The following SNCAIP variants were observed in gnomAD, a reference collection of about 807,000 sequenced individuals.
The protein encoded by SNCAIP is synuclein alpha interacting protein.
A neutral mutation model predicts 86.7 loss-of-function variants in SNCAIP; 43 were observed. That is an observed-to-expected ratio of 0.50 (90% CI 0.39 to 0.64). The LOEUF is 0.64. Among genes scored for constraint, SNCAIP ranks in the 30% least tolerant of loss-of-function variants. The pLI is 0.00. For synonymous variants in SNCAIP, 417 were observed against 427.2 expected, an observed-to-expected ratio of 0.98 and a Z score of 0.29; for missense variants, 981 against 1,103.1, an observed-to-expected ratio of 0.89 and a Z score of 1.57.
rs755587342 is a variant in SNCAIP at position 122,388,487 on chromosome 5, T to G, written c.-46-2602T>G. On this transcript the variant is annotated intron_variant, in intron 1 of 10. Coordinates refer to ENST00000261368, the MANE Select transcript of SNCAIP (RefSeq NM_005460.4). ...GAAAAGCAACCACAGTTCACCTCAT[T>G]GTCCTTATCATGTTTGATCATTTGC... 5 of 152,298 alleles carry G rather than the reference T, an allele frequency of 3.3e-5. No homozygotes were observed. In the East Asian group the frequency reaches 9.6e-4, roughly 29 times the overall value. The allele number at this position is 152,298 out of a possible 1,614,324, so 9.4% of individuals were successfully genotyped here.
chr5:122,340,394 T>A (rs1052774122), intron 1 of SNCAIP, among the ~76,000 whole-genome samples: 2 of 152,328 alleles, frequency 1.3e-5, no homozygotes, highest in East Asian at 3.9e-4. Context: ...TCATTTATGC[T>A]AAGTTGCCTG....
intron 1 of SNCAIP, among the ~76,000 whole-genome samples, chr5:122,344,862 A>G (rs1052709650): frequency 6.6e-6 from 1 of 152,212 alleles, no homozygotes; most frequent in African/African-American, 2.4e-5. Flanking sequence ...AAGTGCCATT[A>G]TCCTCAATAA....
chr5:122,448,663 ATAT>A (rs201765377), intron 8 of SNCAIP, among the ~76,000 whole-genome samples: 14,029 of 136,814 alleles, frequency 0.1, 906 homozygotes, highest in Non-Finnish European at 0.14. Context: ...TATATATATT[ATAT>A]ATATTATATA....
At chr5:122,391,447 GT>G in intron 2 of SNCAIP, among the ~76,000 whole-genome samples, 1 of 152,262 alleles carries the variant, frequency 6.6e-6, no homozygotes, top group Middle Eastern at 3.4e-3. Context: ...GTGTTCCAAT[GT>G]TGTCAAAACT....
chr5:122,411,188 G>A (rs1029435306), intron 3 of SNCAIP, among the ~76,000 whole-genome samples: 2 of 152,168 alleles, frequency 1.3e-5, no homozygotes, highest in African/African-American at 4.8e-5. Context: ...TGAAAAATGG[G>A]AAGTCCAGAG....
intron 3 of SNCAIP, 126 bp from the exon 4 acceptor site, chr5:122,422,742 C>G: frequency 1.3e-6 from 1 of 752,636 alleles, no homozygotes; most frequent in East Asian, 2.7e-5. Flanking sequence ...GATGTGCACT[C>G]TAAGTCATCC....
intron 1 of SNCAIP, among the ~76,000 whole-genome samples, chr5:122,319,089 T>G (rs1358660380): frequency 6.6e-6 from 1 of 151,740 alleles, no homozygotes; most frequent in African/African-American, 2.4e-5. Context: ...TCACCTGAGT[T>G]GTTGAGGAGT....
chr5:122,460,567 A>G (rs369105677), intron 10 of SNCAIP, among the ~76,000 whole-genome samples: 6 of 152,068 alleles, frequency 3.9e-5, no homozygotes, highest in Admixed American at 1.3e-4. Flanking sequence ...ACATGCACAC[A>G]TTCCTGCTTC....
At chr5:122,445,965 A>G (rs1421340906) in intron 8 of SNCAIP, among the ~76,000 whole-genome samples, 1 of 151,844 alleles carries the variant, frequency 6.6e-6, no homozygotes, top group Non-Finnish European at 1.5e-5. Flanking sequence ...ATGAGTTTAG[A>G]CTTCTAGAAA....
chr5:122,373,561 T>A (rs1764680714), intron 1 of SNCAIP, among the ~76,000 whole-genome samples: 1 of 152,188 alleles, frequency 6.6e-6, no homozygotes, highest in African/African-American at 2.4e-5. Context: ...ACCATCCTAA[T>A]CTTCATGAGC....
At chr5:122,384,354 T>C (rs1041540042) in intron 1 of SNCAIP, among the ~76,000 whole-genome samples, 4 of 152,100 alleles carry the variant, frequency 2.6e-5, no homozygotes, top group Admixed American at 2.0e-4. Flanking sequence ...CAGGTTGCAG[T>C]AAATAATTTG....
chr5:122,396,009 G>T (rs559543444), intron 2 of SNCAIP, among the ~76,000 whole-genome samples: 1 of 151,586 alleles, frequency 6.6e-6, no homozygotes, highest in African/African-American at 2.4e-5. Flanking sequence ...CCTAGCAGTC[G>T]CCCTGTTCTT....
At chr5:122,392,487 A>G (rs1769613980) in intron 2 of SNCAIP, among the ~76,000 whole-genome samples, 1 of 152,118 alleles carries the variant, frequency 6.6e-6, no homozygotes, top group African/African-American at 2.4e-5. Flanking sequence ...AGGTTCTTTT[A>G]TGATCACTCC....
At chr5:122,338,201 C>T (rs1329966364) in intron 1 of SNCAIP, among the ~76,000 whole-genome samples, 4 of 152,216 alleles carry the variant, frequency 2.6e-5, no homozygotes, top group Non-Finnish European at 5.9e-5. Flanking sequence ...ATGATTAATG[C>T]AGTGTCCCCT....
intron 1 of SNCAIP, among the ~76,000 whole-genome samples, chr5:122,313,140 G>C (rs73279370): frequency 0.19 from 28,801 of 152,186 alleles, 2,788 homozygotes; most frequent in South Asian, 0.29. Flanking sequence ...TTCAATGGAC[G>C]GCTAGGAGGG....
At chr5:122,339,310 C>G (rs1294221106) in intron 1 of SNCAIP, among the ~76,000 whole-genome samples, 1 of 152,192 alleles carries the variant, frequency 6.6e-6, no homozygotes, top group African/African-American at 2.4e-5. Flanking sequence ...AGACCGAAGT[C>G]TTGGGTTGTC....
At chr5:122,332,793 C>T (rs532432529) in intron 1 of SNCAIP, among the ~76,000 whole-genome samples, 81 of 152,276 alleles carry the variant, frequency 5.3e-4, no homozygotes, top group African/African-American at 1.8e-3. Flanking sequence ...AGCAGTTGTG[C>T]TTAAGGGCTT....
chr5:122,335,392 A>T (rs1309023406), intron 1 of SNCAIP, among the ~76,000 whole-genome samples: 2 of 152,220 alleles, frequency 1.3e-5, no homozygotes, highest in African/African-American at 2.4e-5. Context: ...ATTTTTTCTC[A>T]ACTTTCTTAA....
intron 1 of SNCAIP, among the ~76,000 whole-genome samples, chr5:122,381,831 G>A (rs1211685575): frequency 1.3e-5 from 2 of 152,038 alleles, no homozygotes; most frequent in African/African-American, 4.8e-5. Flanking sequence ...GAAATTCTGG[G>A]TTGAAAATTC....
Sources: allele counts gnomAD v4.1 joint callset (sites outside exome capture counted in the v4.1 genomes callset), GRCh38; gene constraint gnomAD v4.1.1; transcripts MANE v1.5; gene names NCBI Gene and HGNC (gene_info 2026-07-23, HGNC 2026-07-21).